The following PDE3A variants were observed in gnomAD, a reference collection of about 807,000 sequenced individuals.
The protein encoded by PDE3A is phosphodiesterase 3A, also known as cGMP-inhibited 3',5'-cyclic phosphodiesterase 3A.
Under a neutral mutation model 98.3 loss-of-function variants are expected in PDE3A, and 43 were observed. The observed-to-expected ratio is 0.44, with a 90% CI of 0.34 to 0.56. The LOEUF is 0.56. Among genes scored for constraint, PDE3A ranks in the 20% least tolerant of loss-of-function variants. The probability of loss-of-function intolerance (pLI) is 0.01; values close to 1 mark genes in which losing one functional copy is unlikely to be tolerated. For synonymous variants in PDE3A, 663 were observed against 567.9 expected, an observed-to-expected ratio of 1.17 and a Z score of -2.38; for missense variants, 1,427 against 1,440.7, an observed-to-expected ratio of 0.99 and a Z score of 0.15.
In PDE3A at chr12:20,552,299, G is replaced by T; in HGVS notation, c.961-4361G>T. On this transcript the variant is annotated intron_variant, in intron 1 of 15. Transcript: ENST00000359062. This position sits in a 1 kb window ranked among gnomAD's most constrained non-coding sequence, Gnocchi z 5.1. ...CCCGCTGAGGGCAACCGCTACGATG[G>T]CATCTACAAGGTTGTGAAATACTGG... The T allele has an allele frequency of 6.2e-7, 1 of 1,613,942 alleles. No individual in the cohort carries two copies. Among genetic ancestry groups the T allele is most frequent in the Non-Finnish European group, 8.5e-7 (1 of 1,179,890 alleles).
At chr12:20,669,200 G>GA (rs1304267836) in intron 15 of PDE3A, among the ~76,000 whole-genome samples, 1 of 151,166 alleles carries the variant, frequency 6.6e-6, no homozygotes, top group African/African-American at 2.4e-5. Context: ...GGGACTATGT[G>GA]AAAAGACCAA....
chr12:20,415,723 C>T (rs1944411929), intron 1 of PDE3A, among the ~76,000 whole-genome samples: 1 of 152,238 alleles, frequency 6.6e-6, no homozygotes, highest in Non-Finnish European at 1.5e-5. Context: ...AGGCGTGAGC[C>T]ACCATGCCCG....
In PDE3A at chr12:20,471,280, C is replaced by T. The variant is rs1052154612; in HGVS notation, c.961-85380C>T. Among the ~76,000 whole-genome samples, 35 of 152,104 alleles carry T rather than the reference C, an allele frequency of 2.3e-4. 1 individual carries two copies. Among genetic ancestry groups the T allele is most frequent in the Admixed American group, 7.9e-4 (12 of 15,268 alleles). ...TTTTAATTTGTCTACAAGTGGTTTTCAGCCTTTTCTGCACATTAAAATCTT... is the reference window on the plus strand; with the variant it reads ...TTTTAATTTGTCTACAAGTGGTTTTTAGCCTTTTCTGCACATTAAAATCTT... On this transcript the variant is annotated intron_variant, in intron 1 of 15. Transcript: ENST00000359062.
intron 1 of PDE3A, 145 bp downstream of exon 1, chr12:20,370,389 GTTTTT>G: frequency 2.4e-6 from 1 of 424,950 alleles, no homozygotes; most frequent in Non-Finnish European, 3.8e-6. Flanking sequence ...AAACTAGCAG[GTTTTT>G]TTTTTGTTTT....
chr12:20,401,856 T>C lies in PDE3A; in HGVS notation c.960+31612T>C, dbSNP rs186467287. On this transcript the variant is annotated intron_variant, in intron 1 of 15. Coordinates refer to ENST00000359062, the MANE Select transcript of PDE3A (RefSeq NM_000921.5). ...CCCCACATTATTTATTGCAGTGCCATGTAGATGCTTAACAAATGTTTTTGA... is the reference window on the plus strand; with the variant it reads ...CCCCACATTATTTATTGCAGTGCCACGTAGATGCTTAACAAATGTTTTTGA... Among the ~76,000 whole-genome samples, 23 of 152,320 alleles carry C rather than the reference T, an allele frequency of 1.5e-4. No homozygotes were observed. The East Asian group carries it at 4.4e-3, about 29-fold the overall frequency.
At chr12:20,653,310 A>C (rs971581414) in intron 14 of PDE3A, among the ~76,000 whole-genome samples, 2 of 152,210 alleles carry the variant, frequency 1.3e-5, no homozygotes, top group East Asian at 3.8e-4. Flanking sequence ...TCTGGAAGCC[A>C]AAGCAAAAAA....
At chr12:20,535,646 T>C (rs1467905814) in intron 1 of PDE3A, among the ~76,000 whole-genome samples, 1 of 152,164 alleles carries the variant, frequency 6.6e-6, no homozygotes, top group Admixed American at 6.5e-5. Flanking sequence ...TTTGTGTGCT[T>C]ACATTTTGTT....
chr12:20,453,038 C>A (rs545535037), intron 1 of PDE3A, among the ~76,000 whole-genome samples: 5 of 152,186 alleles, frequency 3.3e-5, no homozygotes, highest in African/African-American at 1.2e-4. Flanking sequence ...ATGCCATGTA[C>A]TCCTATTTAA....
chr12:20,416,281 T>C (rs576764962), intron 1 of PDE3A, among the ~76,000 whole-genome samples: 12 of 152,320 alleles, frequency 7.9e-5, no homozygotes, highest in Admixed American at 3.3e-4. Flanking sequence ...AAAGATCTGA[T>C]TGTGAATTGT....
intron 6 of PDE3A, among the ~76,000 whole-genome samples, chr12:20,631,396 G>C (rs1429408920): frequency 6.6e-6 from 1 of 152,068 alleles, no homozygotes; most frequent in South Asian, 2.1e-4. Flanking sequence ...TATTTTTGTT[G>C]TTTCATTTAG....
At chr12:20,400,854 C>T (rs11045220) in intron 1 of PDE3A, among the ~76,000 whole-genome samples, 7,035 of 151,964 alleles carry the variant, frequency 0.046, 489 homozygotes, top group African/African-American at 0.14. Flanking sequence ...TGCTCTTTTC[C>T]CTTTTGCTAA....
At chr12:20,666,319 T>A (rs902191015) in intron 15 of PDE3A, among the ~76,000 whole-genome samples, 1 of 152,204 alleles carries the variant, frequency 6.6e-6, no homozygotes, top group Admixed American at 6.5e-5. Context: ...TTTTAAAGTA[T>A]GCAATACATT....
intron 1 of PDE3A, among the ~76,000 whole-genome samples, chr12:20,404,042 T>G (rs1944182877): frequency 6.6e-6 from 1 of 152,100 alleles, no homozygotes; most frequent in African/African-American, 2.4e-5. Flanking sequence ...CAGGTATGTT[T>G]GCATATCTCA....
chr12:20,610,002 T>A (rs1943808780), intron 2 of PDE3A, among the ~76,000 whole-genome samples: 1 of 151,808 alleles, frequency 6.6e-6, no homozygotes, highest in African/African-American at 2.4e-5. Flanking sequence ...AATTCTTGGA[T>A]AACACACCAA....
At chr12:20,620,748 TC>T (rs1944112252) in intron 4 of PDE3A, among the ~76,000 whole-genome samples, 1 of 152,010 alleles carries the variant, frequency 6.6e-6, no homozygotes, top group African/African-American at 2.4e-5. Flanking sequence ...TGTTGGCATG[TC>T]CCTTTTTACA....
chr12:20,612,789 G>A (rs544195651), intron 2 of PDE3A, among the ~76,000 whole-genome samples: 14 of 150,684 alleles, frequency 9.3e-5, no homozygotes, highest in South Asian at 2.1e-4. Flanking sequence ...TGTGCTCTTC[G>A]TTTCTGCTGT....
rs1944790885 is a variant in PDE3A, at chr12:20,647,018, A to G, written c.2565+68A>G. 4.5e-6 allele frequency: 5 copies of G among 1,109,564 alleles called. No homozygotes were observed. The Admixed American group carries it at 5.4e-5, about 12-fold the overall frequency. 68.7% of individuals were successfully genotyped at this position (1,109,564 alleles called of 1,614,324 possible). A position where few individuals can be genotyped will look rare whatever the true frequency, so the allele number is the denominator to read the frequency against. ...TCTCAAGAAAGTGAAGTTCAGTGTG[A>G]TTTATAACAGGCACCAAGTTAATAT... On this transcript the variant is annotated intron_variant, in intron 12 of 15. Transcript: ENST00000359062.
chr12:20,472,074 G>A (rs1415787861), intron 1 of PDE3A, among the ~76,000 whole-genome samples: 1 of 152,080 alleles, frequency 6.6e-6, no homozygotes, highest in Non-Finnish European at 1.5e-5. Context: ...GTAAAGTCTT[G>A]TATTTGAATG....
chr12:20,374,184 G>T (rs1325049974), intron 1 of PDE3A, among the ~76,000 whole-genome samples: 1 of 152,088 alleles, frequency 6.6e-6, no homozygotes, highest in Admixed American at 6.5e-5. Context: ...TTATCCCTTG[G>T]GAAAGGTGAA....
Sources: gnomAD v4.1 joint callset for allele counts (sites outside exome capture counted in the v4.1 genomes callset) on GRCh38, gnomAD v4.1.1 for gene constraint, Gnocchi (gnomAD v3.1) non-coding constraint, MANE v1.5 for transcripts, NCBI Gene and HGNC (gene_info 2026-07-23, HGNC 2026-07-21) for gene names.